The following LGSN variants were observed in gnomAD, a reference collection of about 807,000 sequenced individuals.
LGSN encodes lengsin, lens protein with glutamine synthetase domain.
LGSN carries 21 observed loss-of-function variants against 19.5 expected under a neutral mutation model. That is an observed-to-expected ratio of 1.07 (90% CI 0.76 to 1.55). LGSN has a LOEUF of 1.55. Ranked by LOEUF, LGSN falls within the 40% of genes most tolerant of loss-of-function variation. The probability of loss-of-function intolerance (pLI) is 0.00; values close to 1 mark genes in which losing one functional copy is unlikely to be tolerated. For synonymous variants in LGSN, 257 were observed against 215.6 expected, an observed-to-expected ratio of 1.19 and a Z score of -1.68; for missense variants, 673 against 608.5, an observed-to-expected ratio of 1.11 and a Z score of -1.12.
At chr6:63,303,593 C>T (rs1016719037) in intron 1 of LGSN, among the ~76,000 whole-genome samples, 3 of 152,120 alleles carry the variant, frequency 2.0e-5, no homozygotes, top group African/African-American at 7.2e-5. Flanking sequence ...AATAATAGAA[C>T]CTTATGTATC....
the LGSN span, among the ~76,000 whole-genome samples, chr6:63,325,726 C>T: frequency 3.9e-5 from 6 of 152,040 alleles, no homozygotes; most frequent in Non-Finnish European, 5.9e-5. Context: ...CAGATGTGTT[C>T]GGAGTTTCTT....
the LGSN span, among the ~76,000 whole-genome samples, chr6:63,498,435 G>C: frequency 2.8e-4 from 42 of 152,118 alleles, no homozygotes; most frequent in African/African-American, 1.0e-3. Flanking sequence ...TTGTAACAGA[G>C]CACTCATGCC....
At chr6:63,352,478 T>C in the LGSN span, among the ~76,000 whole-genome samples, 10 of 152,148 alleles carry the variant, frequency 6.6e-5, no homozygotes, top group East Asian at 1.4e-3. Context: ...TCTGGCAATA[T>C]AGAGAGTCTC....
At chr6:63,572,774 C>T in the LGSN span, 1 of 398,524 alleles carries the variant, frequency 2.5e-6, no homozygotes, top group Non-Finnish European at 4.4e-6. Flanking sequence ...ACCGGCCCCC[C>T]ATCCCCGCTG....
the LGSN span, among the ~76,000 whole-genome samples, chr6:63,367,599 C>T: frequency 4.8e-5 from 7 of 147,324 alleles, no homozygotes; most frequent in Non-Finnish European, 1.0e-4. Context: ...GGGTATACAC[C>T]CAAAGGATTA....
chr6:63,551,850 C>T, the LGSN span, among the ~76,000 whole-genome samples: 19 of 152,192 alleles, frequency 1.2e-4, no homozygotes, highest in East Asian at 1.4e-3. Context: ...GCTTCATCCA[C>T]GTCCCTACAA....
At chr6:63,541,411 G>A in the LGSN span, among the ~76,000 whole-genome samples, 1 of 151,994 alleles carries the variant, frequency 6.6e-6, no homozygotes, top group Non-Finnish European at 1.5e-5. Context: ...AAAATAGCCA[G>A]GCATAGTGGC....
chr6:63,341,001 T>C, the LGSN span, among the ~76,000 whole-genome samples: 1 of 152,146 alleles, frequency 6.6e-6, no homozygotes, highest in Admixed American at 6.5e-5. Context: ...TGGTTTTGAT[T>C]ATGAGTGGAT....
chr6:63,495,460 T>TC, the LGSN span, among the ~76,000 whole-genome samples: 1 of 92,124 alleles, frequency 1.1e-5, no homozygotes, highest in Non-Finnish European at 2.0e-5. Flanking sequence ...CTTTTTCTTT[T>TC]TTTTTTTTTT....
the LGSN span, among the ~76,000 whole-genome samples, chr6:63,508,666 C>G: frequency 6.6e-6 from 1 of 151,998 alleles, no homozygotes; most frequent in Non-Finnish European, 1.5e-5. Flanking sequence ...CCTATAATCC[C>G]AGCATTTTGG....
chr6:63,443,243 G>A, the LGSN span, among the ~76,000 whole-genome samples: 1 of 152,226 alleles, frequency 6.6e-6, no homozygotes, highest in South Asian at 2.1e-4. Flanking sequence ...TCTGAGTGCG[G>A]GGCCTGCCGA....
the LGSN span, chr6:63,480,197 C>A: frequency 4.5e-6 from 1 of 221,400 alleles, no homozygotes; most frequent in South Asian, 8.5e-5. Flanking sequence ...CCTGGCTGAC[C>A]AGAGCTGCAA....
the LGSN span, among the ~76,000 whole-genome samples, chr6:63,413,331 C>G: frequency 2.6e-5 from 4 of 152,076 alleles, no homozygotes; most frequent in East Asian, 5.8e-4. Context: ...ATATTCTTTT[C>G]CTAAATTTAT....
intron 1 of LGSN, among the ~76,000 whole-genome samples, chr6:63,299,175 C>G (rs1768094856): frequency 1.3e-5 from 2 of 152,120 alleles, no homozygotes; most frequent in South Asian, 4.2e-4. Context: ...GCCTATTGAA[C>G]TAAATTGGTC....
At chr6:63,463,363 G>C in the LGSN span, among the ~76,000 whole-genome samples, 1 of 152,000 alleles carries the variant, frequency 6.6e-6, no homozygotes, top group Non-Finnish European at 1.5e-5. Flanking sequence ...TACAACTGAG[G>C]CTCCAGTAAG....
intron 1 of LGSN, among the ~76,000 whole-genome samples, chr6:63,303,759 C>T (rs933395663): frequency 4.6e-5 from 7 of 152,192 alleles, no homozygotes; most frequent in African/African-American, 2.4e-5. Flanking sequence ...ACTGGGCCTT[C>T]TGGAAACACC....
chr6:63,481,339 C>G, the LGSN span, among the ~76,000 whole-genome samples: 2 of 138,864 alleles, frequency 1.4e-5, no homozygotes, highest in African/African-American at 5.3e-5. Flanking sequence ...CCACTTGTAC[C>G]CCAAAAGCTA....
the LGSN span, among the ~76,000 whole-genome samples, chr6:63,366,207 A>G: frequency 6.6e-6 from 1 of 152,312 alleles, no homozygotes; most frequent in East Asian, 1.9e-4. Flanking sequence ...CTCAGCCTAA[A>G]ATCTCCTTAA....
At chr6:63,557,337 A>T in the LGSN span, among the ~76,000 whole-genome samples, 3 of 152,166 alleles carry the variant, frequency 2.0e-5, no homozygotes, top group African/African-American at 7.2e-5. Flanking sequence ...AGGCCAATGC[A>T]GGTGGATCAC....
Sources: allele counts gnomAD v4.1 joint callset (sites outside exome capture counted in the v4.1 genomes callset), GRCh38; gene constraint gnomAD v4.1.1; transcripts MANE v1.5; gene names NCBI Gene and HGNC (gene_info 2026-07-23, HGNC 2026-07-21).